Variants in ACSM4 observed in about 807,000 individuals in gnomAD.
The protein encoded by ACSM4 is acyl-CoA synthetase medium chain family member 4.
ACSM4 carries 66 observed loss-of-function variants against 73.0 expected under a neutral mutation model. The ratio of observed to expected loss-of-function variants is 0.90; its 90% CI spans 0.74 to 1.11. The LOEUF (loss-of-function observed/expected upper bound fraction) is 1.11. Among genes scored for constraint, ACSM4 ranks in the 50% least tolerant of loss-of-function variants. ACSM4 has a pLI of 0.00. For missense variants in ACSM4, 645 were observed against 714.4 expected (o/e 0.90, Z 1.11); for synonymous variants, 222 against 254.0 (o/e 0.87, Z 1.20).
chr12:7,324,279 C>A lies in ACSM4; in HGVS notation c.1315C>A (p.Pro439Thr), dbSNP rs773565874. ...FCFFSKYVDN[P>T]QKTAATIRGD... ...TGTCATCCTTGGTTCCCAGGACAAT[C>A]CACAGAAAACTGCTGCCACGATAAG... Residue 439 changes from proline (P) to threonine (T), a missense_variant, in exon 10 of 13, where the codon CCA becomes ACA. Transcript: ENST00000399422. The A allele has an allele frequency of 6.2e-7, 1 of 1,612,292 alleles. No individual in the cohort carries two copies. The highest frequency in any genetic ancestry group is 8.5e-7 in the Non-Finnish European group (1 of 1,179,472).
intron 4 of ACSM4, among the ~76,000 whole-genome samples, chr12:7,317,639 T>C (rs1946431430): frequency 6.6e-6 from 1 of 152,210 alleles, no homozygotes; most frequent in African/African-American, 2.4e-5. Flanking sequence ...TTGAAATAAT[T>C]ACATTTATTA....
Position 7,317,920 on chromosome 12 carries a change from C to T in ACSM4, c.765-106C>T, listed in dbSNP as rs1218322177. 4.8e-6 allele frequency: 6 copies of T among 1,250,190 alleles called. No individual in the cohort carries two copies. The African/African-American group carries it at 9.1e-5, about 19-fold the overall frequency. The allele number at this position is 1,250,190 out of a possible 1,614,324, so 77.4% of individuals were successfully genotyped here. ...GCCTGGGGCTTCTTTTGACCCTTCT[C>T]TGTAGCCCTTAAGATATAGGGGCAA... On this transcript the variant is annotated intron_variant, in intron 4 of 12. Coordinates refer to ENST00000399422, the MANE Select transcript of ACSM4 (RefSeq NM_001080454.2).
chr12:7,304,511 C>T lies in ACSM4; in HGVS notation c.180C>T (p.Asp60=). The T allele has an allele frequency of 6.2e-7, 1 of 1,613,616 alleles. No homozygotes were observed. Among genetic ancestry groups the T allele is most frequent in the South Asian group, 1.1e-5 (1 of 91,072 alleles). Residue 60 remains aspartate (D), a synonymous_variant, in exon 1 of 13, where the codon GAC becomes GAT. Coordinates refer to ENST00000399422, the MANE Select transcript of ACSM4 (RefSeq NM_001080454.2). ...TTAACTTTGCTGCAGATGTGCTGGA[C>T]CAGTGGTCCCAAAAGGAGAAGGTAT... is the stretch of plus-strand genomic sequence containing the variant. ...KNFNFAADVL[D]QWSQKEKTGE... is the part of the protein sequence containing the mutation.
intron 3 of ACSM4, among the ~76,000 whole-genome samples, chr12:7,312,042 A>C (rs1946393936): frequency 6.6e-6 from 1 of 152,194 alleles, no homozygotes; most frequent in Non-Finnish European, 1.5e-5. Flanking sequence ...CATTTTTCAC[A>C]TGTTGTCTAT....
Position 7,310,564 on chromosome 12 carries a change from C to A in ACSM4, c.438C>A (p.Ile146=). The A allele has an allele frequency of 6.2e-7, 1 of 1,609,216 alleles. No homozygotes were observed. Among genetic ancestry groups the A allele is most frequent in the Non-Finnish European group, 8.5e-7 (1 of 1,178,452 alleles). ...RTGIIFMPGT[I]QLTAKDILYR... ...GGATCATCTTCATGCCGGGAACAAT[C>A]CAGCTGACAGCAAAAGACATCCTCT... Residue 146 remains isoleucine, a synonymous_variant, in exon 3 of 13, where the codon ATC becomes ATA. Transcript: ENST00000399422.
chr12:7,327,901 TA>T (rs1946521013), intron 12 of ACSM4, among the ~76,000 whole-genome samples: 1 of 152,044 alleles, frequency 6.6e-6, no homozygotes, highest in Non-Finnish European at 1.5e-5. Context: ...AAATTATCCC[TA>T]AAAATCTTCC....
rs1946435362 is a variant in ACSM4 at position 7,318,129 on chromosome 12, G to A, written c.868G>A (p.Ala290Thr). The part of the protein sequence containing the change: ...GSVFSSWLCG[A>T]CVFVHRMAQF... ...TGTGTTTTCTTCCTGGCTGTGTGGAGCCTGTGTTTTTGTGCATCGAATGGC... is the reference window on the plus strand; with the variant it reads ...TGTGTTTTCTTCCTGGCTGTGTGGAACCTGTGTTTTTGTGCATCGAATGGC... Residue 290 changes from alanine (A) to threonine (T), a missense_variant, in exon 5 of 13, where the codon GCC becomes ACC. Coordinates refer to ENST00000399422, the MANE Select transcript of ACSM4 (RefSeq NM_001080454.2). The A allele has an allele frequency of 6.2e-7, 1 of 1,613,812 alleles. No individual in the cohort carries two copies. The highest frequency in any genetic ancestry group is 1.7e-5 in the Admixed American group (1 of 60,006).
At chr12:7,326,381 T>G (rs1484997837) in intron 11 of ACSM4, among the ~76,000 whole-genome samples, 1 of 152,170 alleles carries the variant, frequency 6.6e-6, no homozygotes, top group Non-Finnish European at 1.5e-5. Context: ...AATTTTCTTT[T>G]TAAGTCTTTG....
At chr12:7,313,379 T>C (rs1038250752) in intron 3 of ACSM4, among the ~76,000 whole-genome samples, 1 of 152,218 alleles carries the variant, frequency 6.6e-6, no homozygotes, top group African/African-American at 2.4e-5. Flanking sequence ...ACTGTTTCTC[T>C]AAAAACTAGG....
chr12:7,325,853 C>T (rs1003706148), intron 11 of ACSM4, among the ~76,000 whole-genome samples: 1 of 152,172 alleles, frequency 6.6e-6, no homozygotes, highest in Non-Finnish European at 1.5e-5. Flanking sequence ...TTGTCAGCAT[C>T]GTTCCACATC....
intron 9 of ACSM4, 43 bp from the exon 10 acceptor site, chr12:7,324,230 G>C (rs748861549): frequency 6.2e-7 from 1 of 1,605,304 alleles, no homozygotes; most frequent in Non-Finnish European, 8.5e-7. Context: ...ACCCATCTCT[G>C]TTCTGACCAG....
In ACSM4 at chr12:7,320,574, T is replaced by C. The variant is rs865886879; in HGVS notation, c.922-151T>C. 2.4e-5 allele frequency: 15 copies of C among 618,446 alleles called. No individual in the cohort carries two copies. The African/African-American group carries it at 2.8e-4, about 11-fold the overall frequency. 38.3% of individuals were successfully genotyped at this position (618,446 alleles called of 1,614,324 possible). A position where few individuals can be genotyped will look rare whatever the true frequency, so the allele number is the denominator to read the frequency against. ...TTCCCAACAGATATACAGTCACTAG[T>C]GACAAGTAATAAATATTGTTTTCTT... is the stretch of plus-strand genomic sequence containing the variant. On this transcript the variant is annotated intron_variant, in intron 5 of 12. Coordinates refer to ENST00000399422, the MANE Select transcript of ACSM4 (RefSeq NM_001080454.2).
rs117158195 is a variant in ACSM4 at position 7,318,785 on chromosome 12, C to A, written c.921+603C>A. Among the ~76,000 whole-genome samples the A allele has an allele frequency of 2.1e-3, 322 of 152,206 alleles. 8 individuals carry two copies. In the East Asian group the frequency reaches 0.05, roughly 24 times the overall value. ...CAGGCCAATTATTTTTCAACCATGG[C>A]AAATTTATTAAGTTTAACAAAATAC... On this transcript the variant is annotated intron_variant, in intron 5 of 12. Coordinates refer to ENST00000399422, the MANE Select transcript of ACSM4 (RefSeq NM_001080454.2).
chr12:7,318,363 C>A, intron 5 of ACSM4, 181 bp downstream of exon 5: 2 of 656,666 alleles, frequency 3.0e-6, no homozygotes, highest in Non-Finnish European at 4.9e-6. Context: ...GGAGGGGGAA[C>A]AACTGCAACA....
chr12:7,307,889 C>T (rs1946370374), intron 2 of ACSM4, among the ~76,000 whole-genome samples: 1 of 152,030 alleles, frequency 6.6e-6, no homozygotes. Flanking sequence ...TAAAACATGG[C>T]ATAAATGTTT....
At position 7,322,430 on chromosome 12, in the gene ACSM4, G is replaced by T. The variant is rs1226633497; in HGVS notation, c.1014G>T (p.Lys338Asn). The T allele has an allele frequency of 1.2e-6, 2 of 1,613,746 alleles. No homozygotes were observed. The highest frequency in any genetic ancestry group is 1.7e-4 in the Middle Eastern group (1 of 6,002). ...VQKDLKRYKF[K>N]SLRHCLTGGE... Reference sequence around the variant, plus strand: ...TCTGTCTCTCCAGATATAAATTCAAGAGTCTGCGGCACTGCTTGACCGGAG... The same window carrying T: ...TCTGTCTCTCCAGATATAAATTCAATAGTCTGCGGCACTGCTTGACCGGAG... Residue 338 changes from lysine (K) to asparagine (N), a missense_variant, in exon 7 of 13, where the codon AAG becomes AAT. Transcript: ENST00000399422.
Position 7,314,692 on chromosome 12 carries a change from G to A in ACSM4, c.621-2445G>A, listed in dbSNP as rs112842422. On this transcript the variant is annotated intron_variant, in intron 3 of 12. Transcript: ENST00000399422. ...TATCAAAAGGTTTCCATACTGGATT[G>A]AGAAATGTTTAAACATAAGAGGTCT... Among the ~76,000 whole-genome samples, 613 of 152,254 alleles carry A rather than the reference G, an allele frequency of 4.0e-3. 2 individuals are homozygous for A. The highest frequency in any genetic ancestry group is 0.036 in the South Asian group (175 of 4,822).
chr12:7,304,378 C>A lies in ACSM4; in HGVS notation c.47C>A (p.Thr16Asn). The A allele has an allele frequency of 1.2e-6, 2 of 1,613,994 alleles. No homozygotes were observed. The highest frequency in any genetic ancestry group is 2.2e-5 in the South Asian group (2 of 91,076). Residue 16 changes from threonine to asparagine, a missense_variant, in exon 1 of 13, where the codon ACC (threonine) becomes AAC (asparagine). Thr to Asn is a moderately conservative substitution (Grantham distance 65). Transcript: ENST00000399422. ...RYQTFRFIWL[T>N]KPPGRRLHKD... The stretch of plus-strand genomic sequence containing the variant: ...CAGACATTTAGATTCATCTGGCTCA[C>A]CAAGCCACCTGGCCGGCGCTTACAC...
chr12:7,308,420 T>C (rs1305653721), intron 2 of ACSM4, among the ~76,000 whole-genome samples: 1 of 152,220 alleles, frequency 6.6e-6, no homozygotes, highest in Non-Finnish European at 1.5e-5. Flanking sequence ...TCAGAATTAT[T>C]AAATCTTCAA....
Sources: allele counts gnomAD v4.1 joint callset (sites outside exome capture counted in the v4.1 genomes callset), GRCh38; gene constraint gnomAD v4.1.1; transcripts MANE v1.5; gene names NCBI Gene and HGNC (gene_info 2026-07-23, HGNC 2026-07-21).